Variants in GSE1 observed in about 807,000 individuals in gnomAD.
The protein encoded by GSE1 is Gse1 coiled-coil protein, also known as genetic suppressor element 1.
Under a neutral mutation model 112.6 loss-of-function variants are expected in GSE1, and 32 were observed. The observed-to-expected ratio is 0.28, with a 90% CI of 0.21 to 0.38. GSE1 has a LOEUF of 0.38. Ranked by LOEUF, GSE1 falls within the 10% of genes least tolerant of loss-of-function variation. The pLI is 1.00. For synonymous variants in GSE1, 1,115 were observed against 735.6 expected, an observed-to-expected ratio of 1.52 and a Z score of -8.35; for missense variants, 2,348 against 1,699.2, an observed-to-expected ratio of 1.38 and a Z score of -6.71.
intron 1 of GSE1, among the ~76,000 whole-genome samples, chr16:85,281,054 C>G (rs968433135): frequency 6.6e-6 from 1 of 152,166 alleles, no homozygotes; most frequent in African/African-American, 2.4e-5. Context: ...ATGAACGGCT[C>G]TCCCTGCTCT....
intron 1 of GSE1, among the ~76,000 whole-genome samples, chr16:85,587,168 A>AC (rs71153805): frequency 0.023 from 2,675 of 116,646 alleles, 35 homozygotes; most frequent in East Asian, 0.054. Context: ...TGAGGACGAA[A>AC]CCCCCCCCCC....
At chr16:85,535,691 C>A (rs944653042) in intron 2 of GSE1, among the ~76,000 whole-genome samples, 2 of 152,170 alleles carry the variant, frequency 1.3e-5, no homozygotes. Flanking sequence ...CCTGGAGCTG[C>A]ATGTGTCAAG....
chr16:85,314,103 CTGTG>C (rs149950349), intron 1 of GSE1, among the ~76,000 whole-genome samples: 1 of 150,212 alleles, frequency 6.7e-6, no homozygotes, highest in Admixed American at 6.6e-5. Context: ...TGACACAGCT[CTGTG>C]TGTGTGTGTG....
intron 2 of GSE1, among the ~76,000 whole-genome samples, chr16:85,391,090 C>A (rs1040410468): frequency 2.0e-5 from 3 of 152,198 alleles, no homozygotes; most frequent in African/African-American, 7.2e-5. Context: ...AGGCACCGCC[C>A]CCCCACCGCC....
At chr16:85,533,953 C>G (rs1346692628) in intron 2 of GSE1, among the ~76,000 whole-genome samples, 1 of 152,134 alleles carries the variant, frequency 6.6e-6, no homozygotes, top group African/African-American at 2.4e-5. Flanking sequence ...TCACTGGTGT[C>G]TGACATATGC....
At chr16:85,615,925 C>T (rs1308116521) in intron 1 of GSE1, among the ~76,000 whole-genome samples, 1 of 152,180 alleles carries the variant, frequency 6.6e-6, no homozygotes, top group African/African-American at 2.4e-5. Context: ...TGGGGCCAGG[C>T]GTGGGGCGGA....
At chr16:85,456,100 C>T (rs2049818894) in intron 2 of GSE1, among the ~76,000 whole-genome samples, 1 of 152,174 alleles carries the variant, frequency 6.6e-6, no homozygotes. Context: ...TCATCTGTGT[C>T]CAGAGGAAGC....
intron 1 of GSE1, among the ~76,000 whole-genome samples, chr16:85,295,600 G>T (rs918649906): frequency 6.6e-6 from 1 of 151,946 alleles, no homozygotes; most frequent in African/African-American, 2.4e-5. Context: ...TTGCACTCTC[G>T]ATGTCAGGAG....
intron 2 of GSE1, among the ~76,000 whole-genome samples, chr16:85,497,050 C>T (rs2051205166): frequency 1.3e-5 from 2 of 152,226 alleles, no homozygotes; most frequent in Non-Finnish European, 2.9e-5. Flanking sequence ...AGGCACGTGC[C>T]ACCACGCCCC....
chr16:85,660,168 G>A (rs919032892), intron 8 of GSE1, among the ~76,000 whole-genome samples: 2 of 152,222 alleles, frequency 1.3e-5, no homozygotes, highest in African/African-American at 4.8e-5. Flanking sequence ...TATATAGAGT[G>A]GGTTTCCCCA....
chr16:85,471,606 G>A (rs1237113711), intron 2 of GSE1, among the ~76,000 whole-genome samples: 2 of 152,068 alleles, frequency 1.3e-5, no homozygotes, highest in African/African-American at 2.4e-5. Context: ...TAGACACAGG[G>A]TCTCGCTATG....
In GSE1 at chr16:85,172,928, G is replaced by A. The variant is rs567911186; in HGVS notation, c.2283+1121G>A. Reference sequence around the variant, plus strand: ...GATTTGCCCACCTCTCCCCCGATACGCGGCCCCTGTCTTCATGCTCTACTC... The same window carrying A: ...GATTTGCCCACCTCTCCCCCGATACACGGCCCCTGTCTTCATGCTCTACTC... On this transcript the variant is annotated intron_variant, in intron 1 of 2. Transcript: ENST00000637419. Among the ~76,000 whole-genome samples the A allele has an allele frequency of 3.7e-4, 57 of 152,314 alleles. No individual in the cohort carries two copies. The South Asian group carries it at 8.7e-3, about 23-fold the overall frequency.
chr16:85,537,752 T>G (rs1162165362), intron 2 of GSE1, among the ~76,000 whole-genome samples: 2 of 152,160 alleles, frequency 1.3e-5, no homozygotes, highest in Non-Finnish European at 2.9e-5. Flanking sequence ...GAAAGATGAA[T>G]GAAGGACAGA....
At position 85,657,263 on chromosome 16, in the gene GSE1, G is replaced by T. The variant is rs1334136400; in HGVS notation, c.1313-14G>T. 1.3e-6 allele frequency: 2 copies of T among 1,516,992 alleles called. No individual in the cohort carries two copies. The highest frequency in any genetic ancestry group is 1.8e-6 in the Non-Finnish European group (2 of 1,128,890). 94.0% of individuals were successfully genotyped at this position (1,516,992 alleles called of 1,614,324 possible). ...CGTGGCTGAGATCCTGCTTGACCGT[G>T]TTTCCCCCCACAGAGAAGCTGAAGG... On this transcript the variant is annotated splice_polypyrimidine_tract_variant and intron_variant, in intron 7 of 15. Transcript: ENST00000253458.
rs762714322 is a variant in GSE1, at chr16:85,671,060, C to T, written c.3481C>T (p.Leu1161Phe). 11 of 1,611,582 alleles carry T rather than the reference C, an allele frequency of 6.8e-6. No individual in the cohort carries two copies. The Admixed American group carries it at 1.5e-4, about 22-fold the overall frequency. ...ACGACTGGAGGCCCGGCACTACAGC[C>T]TCAGCCTGACGGCAGAGCAGCTCTC... ...CRRLEARHYS[L>F]SLTAEQLSHS... Residue 1161 changes from leucine to phenylalanine, a missense_variant, in exon 15 of 16, where the codon CTC (leucine) becomes TTC (phenylalanine). Coordinates refer to ENST00000253458, the MANE Select transcript of GSE1 (RefSeq NM_014615.5).
chr16:85,379,271 G>C (rs7205225), intron 2 of GSE1, among the ~76,000 whole-genome samples: 2,361 of 152,306 alleles, frequency 0.016, 51 homozygotes, highest in African/African-American at 0.055. Flanking sequence ...ATCCTGGTCT[G>C]GTGTCCACAC....
At chr16:85,556,086 T>C in exon 1 of GSE1, 1 of 983,460 alleles carries the variant, frequency 1.0e-6, no homozygotes, top group Non-Finnish European at 1.2e-6. Flanking sequence ...AGGGCCAAGG[T>C]GGCCGAAATT....
intron 1 of GSE1, among the ~76,000 whole-genome samples, chr16:85,239,688 G>T (rs1361159239): frequency 2.0e-5 from 3 of 152,248 alleles, no homozygotes; most frequent in African/African-American, 7.2e-5. Context: ...GCTCTTCCGG[G>T]TAACTCCATA....
At chr16:85,407,415 C>A (rs1406538831) in intron 2 of GSE1, among the ~76,000 whole-genome samples, 1 of 10,716 alleles carries the variant, frequency 9.3e-5, no homozygotes, top group Non-Finnish European at 1.6e-4. Context: ...CTGGATAATC[C>A]TCACTGTTAC....
Sources: allele counts gnomAD v4.1 joint callset (sites outside exome capture counted in the v4.1 genomes callset), GRCh38; gene constraint gnomAD v4.1.1; transcripts MANE v1.5; gene names NCBI Gene and HGNC (gene_info 2026-07-23, HGNC 2026-07-21).